Variants in HERC1 observed in about 807,000 individuals in gnomAD.
HERC1 encodes HECT and RLD domain containing E3 ubiquitin protein ligase family member 1.
In HERC1, 160 loss-of-function variants were observed where a neutral mutation model predicts 554.3. The observed-to-expected ratio is 0.29, with a 90% CI of 0.25 to 0.33. HERC1 has a LOEUF of 0.33. Among genes scored for constraint, HERC1 ranks in the 10% least tolerant of loss-of-function variants. The pLI, the probability that HERC1 is intolerant of heterozygous loss-of-function variation, is 1.00. For missense variants in HERC1, 4,919 were observed against 5,918.5 expected (o/e 0.83, Z 5.54); for synonymous variants, 2,175 against 2,131.7 (o/e 1.02, Z -0.56).
intron 1 of HERC1, among the ~76,000 whole-genome samples, chr15:63,813,475 GTTT>G (rs533618207): frequency 1.3e-5 from 2 of 150,946 alleles, no homozygotes; most frequent in East Asian, 3.9e-4. Flanking sequence ...GTGCGAAAGG[GTTT>G]TTTTTTAATA....
At chr15:63,774,629 T>G (rs1464087111) in intron 2 of HERC1, 65 bp downstream of exon 2, 6 of 1,213,704 alleles carry the variant, frequency 4.9e-6, no homozygotes, top group Non-Finnish European at 6.9e-6. Context: ...ACCAATTCAT[T>G]AAAAACTGCA....
At chr15:63,722,232 A>T (rs1245793954) in intron 19 of HERC1, among the ~76,000 whole-genome samples, 1 of 152,158 alleles carries the variant, frequency 6.6e-6, no homozygotes, top group Non-Finnish European at 1.5e-5. Context: ...ATAGTACTTT[A>T]CCATGGTACT....
Position 63,615,934 on chromosome 15 carries a change from A to C in HERC1, c.13942-14T>G. ...AAGAGGAATCATCTAGGAACAGAAG[A>C]AAACAGAATTTTTATTACATGGTAG... On this transcript the variant is annotated splice_polypyrimidine_tract_variant and intron_variant, in intron 75 of 77. Transcript: ENST00000443617. 6.4e-7 allele frequency: 1 copy of C among 1,567,456 alleles called. No homozygotes were observed. The highest frequency in any genetic ancestry group is 8.6e-7 in the Non-Finnish European group (1 of 1,161,088).
chr15:63,623,720 T>C lies in HERC1; in HGVS notation c.13611+5A>G. The C allele has an allele frequency of 1.2e-6, 2 of 1,613,522 alleles. No homozygotes were observed. Among genetic ancestry groups the C allele is most frequent in the African/African-American group, 1.3e-5 (1 of 74,996 alleles). On this transcript the variant is annotated splice_donor_5th_base_variant and intron_variant, in intron 73 of 77. Coordinates refer to ENST00000443617, the MANE Select transcript of HERC1 (RefSeq NM_003922.4). Reference sequence around the variant, plus strand: ...AACTCAGCAGGGGACACTGCAGGAATATACCTGGCACATCTCTGTGATGGT... The same window carrying C: ...AACTCAGCAGGGGACACTGCAGGAACATACCTGGCACATCTCTGTGATGGT...
Position 63,775,237 on chromosome 15 carries a change from C to T in HERC1, c.387G>A (p.Gln129=), listed in dbSNP as rs374912485. The T allele has an allele frequency of 3.1e-6, 5 of 1,613,934 alleles. No individual in the cohort carries two copies. Among genetic ancestry groups the T allele is most frequent in the South Asian group, 2.2e-5 (2 of 91,094 alleles). Residue 129 remains glutamine, a synonymous_variant, in exon 2 of 78, where the codon CAG becomes CAA. Transcript: ENST00000443617. The surrounding 1 kb of genome is among the most constrained non-coding windows in gnomAD (Gnocchi z 4.0). ...AACTGCTCTCCGGAGAATGCTGCTG[C>T]TGCTTCACCTTGCCTTTGTCATGGT... is the stretch of plus-strand genomic sequence containing the variant. ...NKYHDKGKVK[Q]QQHSPESSSG... is the part of the protein sequence containing the mutation.
At chr15:63,814,165 A>G (rs1261231718) in intron 1 of HERC1, among the ~76,000 whole-genome samples, 1 of 152,254 alleles carries the variant, frequency 6.6e-6, no homozygotes, top group East Asian at 1.9e-4. Context: ...AAATAGACCT[A>G]TTAAAAATCT....
chr15:63,729,585 T>G lies in HERC1; in HGVS notation c.2933A>C (p.Glu978Ala), dbSNP rs896078662. The part of the protein sequence containing the change: ...DKFLLGTSSS[E>A]NSQPAHLHEL... ...ATGAAGATGAGCAGGCTGACTGTTT[T>G]CTGATGATGATGTTCCAAGTAGAAA... Residue 978 changes from glutamate (E) to alanine (A), a missense_variant, in exon 15 of 78, where the codon GAA (glutamate) becomes GCA (alanine). Physicochemically the swap from Glu to Ala is moderately radical, Grantham distance 107. Transcript: ENST00000443617. 1.5e-5 allele frequency: 24 copies of G among 1,613,860 alleles called. No individual in the cohort carries two copies. Among genetic ancestry groups the G allele is most frequent in the Non-Finnish European group, 1.9e-5 (22 of 1,179,740 alleles).
intron 54 of HERC1, among the ~76,000 whole-genome samples, chr15:63,648,930 T>A (rs9972561): frequency 0.81 from 123,970 of 152,298 alleles, 52,335 homozygotes; most frequent in Non-Finnish European, 0.88. Context: ...AACAAAATCT[T>A]GTGAGATGCA....
chr15:63,765,392 T>A (rs1274378484), intron 2 of HERC1, among the ~76,000 whole-genome samples: 2 of 152,064 alleles, frequency 1.3e-5, no homozygotes, highest in Admixed American at 1.3e-4. Context: ...CTCCCTCCTA[T>A]GGGAGGGCAC....
At chr15:63,780,806 T>C (rs926062870) in intron 1 of HERC1, among the ~76,000 whole-genome samples, 4 of 152,172 alleles carry the variant, frequency 2.6e-5, no homozygotes, top group African/African-American at 7.2e-5. Flanking sequence ...AATTCACCTA[T>C]TAAAACCAAA....
chr15:63,807,555 C>T (rs1331979324), intron 1 of HERC1, among the ~76,000 whole-genome samples: 1 of 152,130 alleles, frequency 6.6e-6, no homozygotes, highest in Non-Finnish European at 1.5e-5. Context: ...TGCTGCTCTC[C>T]TTAACCCTTC....
chr15:63,634,786 T>C lies in HERC1; in HGVS notation c.12517A>G (p.Asn4173Asp). The change falls in exon 66 of 78, where the codon AAC (asparagine) becomes GAC (aspartate). Residue 4173 changes from asparagine (N) to aspartate (D), a missense_variant. Asn to Asp is a conservative substitution (Grantham distance 23). Transcript: ENST00000443617. ...YGRLGLGNTS[N>D]KKLPERVTAL... Reference sequence around the variant, plus strand: ...GTCACTCTCTCTGGAAGTTTTTTGTTAGAGGTATTTCCAAGACCCAGACGA... The same window carrying C: ...GTCACTCTCTCTGGAAGTTTTTTGTCAGAGGTATTTCCAAGACCCAGACGA... 6.2e-7 allele frequency: 1 copy of C among 1,613,364 alleles called. No individual in the cohort carries two copies. The highest frequency in any genetic ancestry group is 8.5e-7 in the Non-Finnish European group (1 of 1,179,594).
intron 1 of HERC1, among the ~76,000 whole-genome samples, chr15:63,828,401 G>A (rs1399562591): frequency 6.6e-6 from 1 of 151,676 alleles, no homozygotes; most frequent in African/African-American, 2.4e-5. Context: ...GTGCAATGGC[G>A]TGATCTTGGC....
intron 8 of HERC1, among the ~76,000 whole-genome samples, chr15:63,751,375 A>G (rs1292324420): frequency 6.6e-6 from 1 of 152,200 alleles, no homozygotes; most frequent in Non-Finnish European, 1.5e-5. Context: ...TACACCATCT[A>G]GGTTTGTGTG....
intron 51 of HERC1, among the ~76,000 whole-genome samples, 199 bp from the exon 52 acceptor site, chr15:63,652,740 T>C (rs1007247967): frequency 1.3e-5 from 2 of 152,142 alleles, no homozygotes; most frequent in Admixed American, 1.3e-4. Context: ...GCAACCTCCA[T>C]CTCCCGTGTT....
chr15:63,781,876 T>C (rs537587124), intron 1 of HERC1, among the ~76,000 whole-genome samples: 1 of 152,316 alleles, frequency 6.6e-6, no homozygotes, highest in South Asian at 2.1e-4. Context: ...TTTTTCCTGA[T>C]ATGGGGAAAG....
chr15:63,729,623 C>T lies in HERC1; in HGVS notation c.2895G>A (p.Lys965=), dbSNP rs779676598. ...YTDQAFGELE[K]NSDKFLLGTS... Reference sequence around the variant, plus strand: ...TTCCAAGTAGAAATTTATCACTATTCTTTTCTAGCTCTCCAAATGCTTGAT... The same window carrying T: ...TTCCAAGTAGAAATTTATCACTATTTTTTTCTAGCTCTCCAAATGCTTGAT... The change falls in exon 15 of 78, where the codon AAG becomes AAA. Residue 965 remains lysine (K), a synonymous_variant. Transcript: ENST00000443617. The T allele has an allele frequency of 6.2e-7, 1 of 1,613,786 alleles. No homozygotes were observed. The highest frequency in any genetic ancestry group is 8.5e-7 in the Non-Finnish European group (1 of 1,179,758).
Position 63,749,888 on chromosome 15 carries a change from G to A in HERC1, c.1903-97C>T. The A allele has an allele frequency of 1.0e-6, 1 of 991,186 alleles. No homozygotes were observed. The highest frequency in any genetic ancestry group is 2.2e-5 in the South Asian group (1 of 46,128). 61.4% of individuals were successfully genotyped at this position (991,186 alleles called of 1,614,324 possible). A position where few individuals can be genotyped will look rare whatever the true frequency, so the allele number is the denominator to read the frequency against. Reference sequence around the variant, plus strand: ...AATCTATGAAACTAAAGTGTGGTTTGATAGTAAATAACTTTCTGATGTTAA... The same window carrying A: ...AATCTATGAAACTAAAGTGTGGTTTAATAGTAAATAACTTTCTGATGTTAA... On this transcript the variant is annotated intron_variant, in intron 8 of 77. Transcript: ENST00000443617. This position sits in a 1 kb window ranked among gnomAD's most constrained non-coding sequence, Gnocchi z 4.1.
chr15:63,738,733 A>C (rs1327723640), intron 12 of HERC1, among the ~76,000 whole-genome samples: 7 of 152,230 alleles, frequency 4.6e-5, no homozygotes, highest in Admixed American at 4.6e-4. Context: ...ATCCTGGAAC[A>C]ATCTATCTCC....
Sources: allele counts gnomAD v4.1 joint callset (sites outside exome capture counted in the v4.1 genomes callset), GRCh38; gene constraint gnomAD v4.1.1; non-coding constraint Gnocchi (gnomAD v3.1); transcripts MANE v1.5; gene names NCBI Gene and HGNC (gene_info 2026-07-23, HGNC 2026-07-21).